SAMMSON: variants seen among roughly 807,000 people sequenced by gnomAD.
SAMMSON encodes the protein survival associated mitochondrial melanoma specific oncogenic non-coding RNA.
intron 1 of SAMMSON, among the ~76,000 whole-genome samples, chr3:70,005,984 C>T (rs539709476): frequency 6.6e-6 from 1 of 152,198 alleles, no homozygotes; most frequent in Admixed American, 6.5e-5. Context: ...TTTCTTTTGC[C>T]TCAGCCCTCC....
At chr3:70,304,197 T>C (rs1296923399) in intron 7 of SAMMSON, among the ~76,000 whole-genome samples, 1 of 152,118 alleles carries the variant, frequency 6.6e-6, no homozygotes, top group Admixed American at 6.6e-5. Context: ...ACTCCTGTTT[T>C]CTTTCACTTC....
chr3:70,261,679 A>G (rs1701867872), intron 6 of SAMMSON, among the ~76,000 whole-genome samples: 1 of 152,178 alleles, frequency 6.6e-6, no homozygotes, highest in Non-Finnish European at 1.5e-5. Context: ...TATTTTGTTG[A>G]AAACAGAATG....
At chr3:70,278,087 C>T (rs954193331) in intron 6 of SAMMSON, among the ~76,000 whole-genome samples, 8 of 152,192 alleles carry the variant, frequency 5.3e-5, no homozygotes, top group Non-Finnish European at 7.3e-5. Context: ...AGACAGCTCT[C>T]ATCATTTCCC....
chr3:70,304,998 G>T (rs571553651), intron 7 of SAMMSON, among the ~76,000 whole-genome samples: 1 of 152,008 alleles, frequency 6.6e-6, no homozygotes, highest in African/African-American at 2.4e-5. Context: ...GCTTTTCCCA[G>T]ATTTTTGCAG....
At chr3:70,341,687 G>A (rs1702711279) in intron 7 of SAMMSON, among the ~76,000 whole-genome samples, 1 of 152,068 alleles carries the variant, frequency 6.6e-6, no homozygotes, top group African/African-American at 2.4e-5. Context: ...GTGATGCCTG[G>A]AGGTGCAGTG....
chr3:70,242,981 C>G (rs944818643), intron 4 of SAMMSON, among the ~76,000 whole-genome samples: 1 of 152,166 alleles, frequency 6.6e-6, no homozygotes. Context: ...AACCTAAATA[C>G]TAATTTCCCA....
intron 2 of SAMMSON, among the ~76,000 whole-genome samples, chr3:70,413,884 C>T (rs1161493500): frequency 6.6e-6 from 1 of 152,034 alleles, no homozygotes; most frequent in Non-Finnish European, 1.5e-5. Context: ...TTGTTAATTG[C>T]ACCTTTTGTT....
At chr3:70,302,972 A>G (rs958017060) in intron 7 of SAMMSON, among the ~76,000 whole-genome samples, 7 of 152,328 alleles carry the variant, frequency 4.6e-5, no homozygotes, top group African/African-American at 1.4e-4. Flanking sequence ...ATGAGAACAC[A>G]GAAGATCTCA....
chr3:70,079,739 G>A (rs1407673938), intron 4 of SAMMSON, among the ~76,000 whole-genome samples: 1 of 152,084 alleles, frequency 6.6e-6, no homozygotes, highest in South Asian at 2.1e-4. Context: ...CTTATGGGGG[G>A]TTTATCAAGA....
chr3:70,385,811 AACTTT>A (rs2106754473), intron 9 of SAMMSON, among the ~76,000 whole-genome samples: 1 of 152,228 alleles, frequency 6.6e-6, no homozygotes, highest in African/African-American at 2.4e-5. Context: ...ATGTCATCTT[AACTTT>A]ACTTAAACAG....
At chr3:70,004,321 AT>A (rs1053845495) in intron 1 of SAMMSON, among the ~76,000 whole-genome samples, 48 of 152,300 alleles carry the variant, frequency 3.2e-4, no homozygotes, top group African/African-American at 1.1e-3. Flanking sequence ...TTCTGTAAAA[AT>A]TTTTGATTTC....
intron 4 of SAMMSON, among the ~76,000 whole-genome samples, chr3:70,213,520 T>C (rs968641578): frequency 3.9e-5 from 6 of 152,150 alleles, no homozygotes; most frequent in Non-Finnish European, 7.4e-5. Flanking sequence ...AGTACTGTAG[T>C]TATCCGTGGC....
chr3:70,064,355 T>A (rs1477541710), intron 3 of SAMMSON, among the ~76,000 whole-genome samples: 2 of 152,164 alleles, frequency 1.3e-5, no homozygotes, highest in Non-Finnish European at 2.9e-5. Context: ...TAAGCACTTG[T>A]AGTTAAGCGT....
chr3:70,417,943 T>C (rs989499360), intron 2 of SAMMSON, among the ~76,000 whole-genome samples: 2 of 152,044 alleles, frequency 1.3e-5, no homozygotes, highest in Non-Finnish European at 2.9e-5. Flanking sequence ...TCAGAAGAAA[T>C]AGACGCTTTG....
chr3:70,146,986 T>A (rs935675489), intron 4 of SAMMSON, among the ~76,000 whole-genome samples: 2 of 152,004 alleles, frequency 1.3e-5, no homozygotes, highest in Admixed American at 6.6e-5. Context: ...ACAGGATCCA[T>A]AATCAACACA....
intron 7 of SAMMSON, among the ~76,000 whole-genome samples, chr3:70,332,260 C>A (rs899803120): frequency 6.6e-6 from 1 of 152,142 alleles, no homozygotes; most frequent in Admixed American, 6.5e-5. Context: ...TTTTGTTTTT[C>A]TCTTCGTTAG....
chr3:70,049,815 A>G (rs769505401), intron 3 of SAMMSON, among the ~76,000 whole-genome samples: 2 of 152,098 alleles, frequency 1.3e-5, no homozygotes, highest in Non-Finnish European at 2.9e-5. Context: ...GTCACTTTAT[A>G]AGTCCCTGTG....
intron 6 of SAMMSON, among the ~76,000 whole-genome samples, chr3:70,288,751 G>A (rs1342170427): frequency 1.3e-5 from 2 of 151,696 alleles, no homozygotes; most frequent in African/African-American, 4.9e-5. Flanking sequence ...TCCTGTGTTG[G>A]GTGCATATAT....
chr3:70,360,990 T>C (rs1702866873), intron 9 of SAMMSON, among the ~76,000 whole-genome samples: 1 of 152,148 alleles, frequency 6.6e-6, no homozygotes, highest in Admixed American at 6.5e-5. Flanking sequence ...CATTCTACCA[T>C]TTAATTTTTT....
Sources: gnomAD v4.1 joint callset for allele counts (sites outside exome capture counted in the v4.1 genomes callset) on GRCh38, gnomAD v4.1.1 for gene constraint, MANE v1.5 for transcripts, NCBI Gene and HGNC (gene_info 2026-07-23, HGNC 2026-07-21) for gene names.